The following KMT2C variants were observed in gnomAD, a reference collection of about 807,000 sequenced individuals.
KMT2C encodes the protein lysine methyltransferase 2C, also known as histone-lysine N-methyltransferase 2C.
In KMT2C, 88 loss-of-function variants were observed where a neutral mutation model predicts 507.9. That is an observed-to-expected ratio of 0.17 (90% CI 0.15 to 0.21). KMT2C has a LOEUF of 0.21. Ranked by LOEUF, KMT2C falls within the 10% of genes least tolerant of loss-of-function variation. The pLI, the probability that KMT2C is intolerant of heterozygous loss-of-function variation, is 1.00. For synonymous variants in KMT2C, 2,049 were observed against 2,080.8 expected, an observed-to-expected ratio of 0.98 and a Z score of 0.42; for missense variants, 4,954 against 5,957.8, an observed-to-expected ratio of 0.83 and a Z score of 5.55.
Position 152,162,922 on chromosome 7 carries a change from G to T in KMT2C, c.10655C>A (p.Ser3552Tyr), listed in dbSNP as rs780578846. The change falls in exon 43 of 59, where the codon TCT becomes TAT. Residue 3552 changes from serine to tyrosine, a missense_variant. Coordinates refer to ENST00000262189, the MANE Select transcript of KMT2C (RefSeq NM_170606.3). Reference protein sequence around the residue: ...TSFQQSPVRPSFTPALPAAPP... With the variant: ...TSFQQSPVRPYFTPALPAAPP... ...TGCTGCTGGTAAAGCAGGTGTAAAA[G>T]AAGGCCTCACTGGGGACTGCTGGAA... 3.1e-6 allele frequency: 5 copies of T among 1,614,052 alleles called. No individual in the cohort carries two copies. In the African/African-American group the frequency reaches 6.7e-5, roughly 22 times the overall value.
intron 1 of KMT2C, chr7:152,367,637 C>CA: frequency 7.0e-7 from 1 of 1,422,284 alleles, no homozygotes; most frequent in Non-Finnish European, 9.9e-7. Flanking sequence ...GTGGACAATC[C>CA]AAAGTTTTAA....
rs753470849 is a variant in KMT2C, at chr7:152,176,731, A to T, written c.8722T>A (p.Ser2908Thr). 4.3e-6 allele frequency: 7 copies of T among 1,614,176 alleles called. No homozygotes were observed. In the East Asian group the frequency reaches 1.3e-4, roughly 31 times the overall value. ...GGAGTTGATCCAGTTATGCCACAAGAGTTTATTACATCTTGAGCAGGTAGT... is the reference window on the plus strand; with the variant it reads ...GGAGTTGATCCAGTTATGCCACAAGTGTTTATTACATCTTGAGCAGGTAGT... ...TQLPAQDVIN[S>T]CGITGSTPVL... The change falls in exon 38 of 59, where the codon TCT becomes ACT. Residue 2908 changes from serine to threonine, a missense_variant. Transcript: ENST00000262189.
At chr7:152,195,091 G>A (rs2129130292) in intron 28 of KMT2C, among the ~76,000 whole-genome samples, 1 of 152,126 alleles carries the variant, frequency 6.6e-6, no homozygotes. Context: ...TTCTGATTAT[G>A]TACATTACAT....
chr7:152,176,520 C>T lies in KMT2C; in HGVS notation c.8933G>A (p.Arg2978Lys), dbSNP rs2129113191. The change falls in exon 38 of 59, where the codon AGG (arginine) becomes AAG (lysine). Residue 2978 changes from arginine to lysine, a missense_variant. By Grantham distance (26) the Arg-to-Lys change is conservative. Coordinates refer to ENST00000262189, the MANE Select transcript of KMT2C (RefSeq NM_170606.3). The stretch of plus-strand genomic sequence containing the variant: ...ACCCTGAGAAAAAACATGGTTTACC[C>T]TAGAGACTACTGTCACATTAGAATT... ...AMNSNVTVVSRVNHVFSQGVQ... is the reference protein window; with the variant it reads ...AMNSNVTVVSKVNHVFSQGVQ... 3 of 1,614,144 alleles carry T rather than the reference C, an allele frequency of 1.9e-6. No homozygotes were observed. The highest frequency in any genetic ancestry group is 2.5e-6 in the Non-Finnish European group (3 of 1,180,022).
chr7:152,265,995 T>C (rs1324342323), intron 7 of KMT2C, among the ~76,000 whole-genome samples: 1 of 152,286 alleles, frequency 6.6e-6, no homozygotes, highest in Admixed American at 6.5e-5. Flanking sequence ...AACTTATGCA[T>C]ACTGCAAAAT....
chr7:152,251,971 C>A lies in KMT2C; in HGVS notation c.1589G>T (p.Gly530Val). 1.9e-6 allele frequency: 3 copies of A among 1,611,368 alleles called. No individual in the cohort carries two copies. The highest frequency in any genetic ancestry group is 2.2e-5 in the East Asian group (1 of 44,838). ...LGAEMDRLQP[G>V]EEVEIAELTT... ...GAGCTCAGCTATCTCCACTTCCTCA[C>A]CTGGCTGTAAACGATCCATCTCAGC... The change falls in exon 11 of 59, where the codon GGT becomes GTT. Residue 530 changes from glycine (G) to valine (V), a missense_variant. Around this residue, in one of 29 missense-constraint regions of KMT2C, gnomAD observed 376 missense variants for 352.4 expected, o/e 1.07. Coordinates refer to ENST00000262189, the MANE Select transcript of KMT2C (RefSeq NM_170606.3).
Position 152,144,988 on chromosome 7 carries a change from AC to A in KMT2C, c.14175-108del. On this transcript the variant is annotated intron_variant, in intron 54 of 58. Transcript: ENST00000262189. This position sits in a 1 kb window ranked among gnomAD's most constrained non-coding sequence, Gnocchi z 4.4. ...TTCAGATTCTTACTGACAGAAACAT[AC>A]ATGGAAAGCTGCCTAGCAGAGACAC... The A allele has an allele frequency of 7.2e-7, 1 of 1,393,346 alleles. No homozygotes were observed. The highest frequency in any genetic ancestry group is 9.7e-7 in the Non-Finnish European group (1 of 1,029,066). 86.3% of individuals were successfully genotyped at this position (1,393,346 alleles called of 1,614,324 possible). A position where few individuals can be genotyped will look rare whatever the true frequency, so the allele number is the denominator to read the frequency against.
At chr7:152,298,344 T>A (rs1345679481) in intron 6 of KMT2C, among the ~76,000 whole-genome samples, 1 of 152,100 alleles carries the variant, frequency 6.6e-6, no homozygotes, top group Non-Finnish European at 1.5e-5. Context: ...AAAATTACAT[T>A]AAGGGATAAC....
chr7:152,410,987 A>G (rs2116667725), intron 1 of KMT2C, among the ~76,000 whole-genome samples: 1 of 152,114 alleles, frequency 6.6e-6, no homozygotes, highest in East Asian at 1.9e-4. Flanking sequence ...TGGATGACAG[A>G]GCGAGACCAA....
At chr7:152,336,022 G>A (rs1266967124) in intron 2 of KMT2C, among the ~76,000 whole-genome samples, 1 of 151,824 alleles carries the variant, frequency 6.6e-6, no homozygotes, top group Non-Finnish European at 1.5e-5. Flanking sequence ...TTCTCCTCTA[G>A]CTATTATTAT....
Position 152,304,249 on chromosome 7 carries a change from A to G in KMT2C, c.849+5717T>C, listed in dbSNP as rs1456005858. On this transcript the variant is annotated intron_variant, in intron 6 of 58. Transcript: ENST00000262189. ...AAAAAAACAGGTTCTCCCCAAAAGTAAAATGATCTAATTAGAAGTAGTACA... is the reference window on the plus strand; with the variant it reads ...AAAAAAACAGGTTCTCCCCAAAAGTGAAATGATCTAATTAGAAGTAGTACA... 7.2e-5 allele frequency among the ~76,000 whole-genome samples: 11 copies of G among 152,210 alleles called. No individual in the cohort carries two copies. In the East Asian group the frequency reaches 1.7e-3, roughly 24 times the overall value.
intron 6 of KMT2C, among the ~76,000 whole-genome samples, chr7:152,308,021 A>G (rs542910928): frequency 9.2e-5 from 14 of 152,320 alleles, no homozygotes; most frequent in African/African-American, 3.1e-4. Context: ...CTGAAATATC[A>G]TTGTCTTAAT....
chr7:152,359,287 T>C (rs968840545), intron 1 of KMT2C, among the ~76,000 whole-genome samples: 24 of 129,934 alleles, frequency 1.8e-4, no homozygotes, highest in Non-Finnish European at 3.7e-4. Context: ...AGAAAGCAAT[T>C]GAAAAAAAAA....
At chr7:152,172,217 T>G (rs1314828109) in intron 39 of KMT2C, among the ~76,000 whole-genome samples, 1 of 152,156 alleles carries the variant, frequency 6.6e-6, no homozygotes, top group East Asian at 1.9e-4. Context: ...TCACACATGG[T>G]CTATCATCCT....
Position 152,162,226 on chromosome 7 carries a change from T to C in KMT2C, c.11351A>G (p.Lys3784Arg), listed in dbSNP as rs745418606. 1 of 1,614,172 alleles carries C rather than the reference T, an allele frequency of 6.2e-7. No individual in the cohort carries two copies. Among genetic ancestry groups the C allele is most frequent in the South Asian group, 1.1e-5 (1 of 91,088 alleles). The change falls in exon 43 of 59, where the codon AAA (lysine) becomes AGA (arginine). Residue 3784 changes from lysine to arginine, a missense_variant. By Grantham distance (26) the Lys-to-Arg change is conservative. Around this residue, in one of 29 missense-constraint regions of KMT2C, gnomAD observed 801 missense variants for 751.2 expected, o/e 1.07. Coordinates refer to ENST00000262189, the MANE Select transcript of KMT2C (RefSeq NM_170606.3). ...TTGATTCAAAAGAGAAGATGACTTT[T>C]TATTTTTCAACAAGTGTTTCAGAAG... is the stretch of plus-strand genomic sequence containing the variant. ...NELLKHLLKNKKSSSLLNQKP... is the reference protein window; with the variant it reads ...NELLKHLLKNRKSSSLLNQKP...
At chr7:152,161,604 G>A (rs950427430) in intron 43 of KMT2C, among the ~76,000 whole-genome samples, 2 of 152,034 alleles carry the variant, frequency 1.3e-5, no homozygotes, top group Non-Finnish European at 2.9e-5. Flanking sequence ...AAAACTGATA[G>A]AAAATTGATA....
intron 28 of KMT2C, 85 bp from the exon 29 acceptor site, chr7:152,194,653 T>A (rs2129129944): frequency 1.1e-6 from 1 of 926,780 alleles, no homozygotes; most frequent in Non-Finnish European, 1.6e-6. Flanking sequence ...GTACTTAGTA[T>A]ATAACAATAT....
At chr7:152,247,661 G>T (rs879100763) in intron 14 of KMT2C, among the ~76,000 whole-genome samples, 12 of 152,292 alleles carry the variant, frequency 7.9e-5, no homozygotes, top group Non-Finnish European at 1.5e-5. Context: ...TTATCAATAG[G>T]TTGCATCTTT....
Position 152,250,368 on chromosome 7 carries a change from T to C in KMT2C, c.1736-415A>G, listed in dbSNP as rs139275886. ...TGAGCCTGTGATTAAATGTAACAAG[T>C]AGTTTTCCCCCAACATGGTCTCTTA... On this transcript the variant is annotated intron_variant, in intron 12 of 58. Coordinates refer to ENST00000262189, the MANE Select transcript of KMT2C (RefSeq NM_170606.3). 4.5e-4 allele frequency among the ~76,000 whole-genome samples: 69 copies of C among 152,266 alleles called. No homozygotes were observed. In the East Asian group the frequency reaches 0.011, roughly 23 times the overall value.
Sources: gnomAD v4.1 joint callset for allele counts (sites outside exome capture counted in the v4.1 genomes callset) on GRCh38, gnomAD v4.1.1 for gene constraint, gnomAD v4.1.1 regional missense constraint, Gnocchi (gnomAD v3.1) non-coding constraint, MANE v1.5 for transcripts, NCBI Gene and HGNC (gene_info 2026-07-23, HGNC 2026-07-21) for gene names.